The following CACNA1G variants were observed in gnomAD, a reference collection of about 807,000 sequenced individuals.
CACNA1G encodes the protein voltage-dependent T-type calcium channel subunit alpha-1G.
CACNA1G carries 67 observed loss-of-function variants against 219.4 expected under a neutral mutation model. That is an observed-to-expected ratio of 0.31 (90% CI 0.25 to 0.37). CACNA1G has a LOEUF of 0.37. Among genes scored for constraint, CACNA1G ranks in the 10% least tolerant of loss-of-function variants. The pLI is 1.00. For synonymous variants in CACNA1G, 1,296 were observed against 1,345.3 expected, an observed-to-expected ratio of 0.96 and a Z score of 0.80; for missense variants, 2,380 against 3,231.4, an observed-to-expected ratio of 0.74 and a Z score of 6.39.
intron 6 of CACNA1G, 44 bp downstream of exon 6, chr17:50,572,898 C>T: frequency 6.3e-7 from 1 of 1,596,166 alleles, no homozygotes; most frequent in Non-Finnish European, 8.6e-7. Flanking sequence ...AACACCAGCC[C>T]CAGGACACAG....
At chr17:50,599,916 G>A (rs1458832821) in intron 17 of CACNA1G, 57 bp downstream of exon 17, 15 of 1,532,480 alleles carry the variant, frequency 9.8e-6, no homozygotes, top group Non-Finnish European at 1.3e-5. Flanking sequence ...GAGGGGAGGT[G>A]TGCCTGGCCT....
At chr17:50,590,012 T>C (rs2043927655) in intron 9 of CACNA1G, among the ~76,000 whole-genome samples, 1 of 150,980 alleles carries the variant, frequency 6.6e-6, no homozygotes, top group Non-Finnish European at 1.5e-5. Context: ...CACAGAGTAA[T>C]TGTGGAATAC....
intron 3 of CACNA1G, 138 bp from the exon 4 acceptor site, chr17:50,569,568 C>A (rs978326350): frequency 1.4e-5 from 10 of 695,448 alleles, no homozygotes; most frequent in Non-Finnish European, 2.4e-5. Flanking sequence ...AGAGCCGGAT[C>A]TTCAGGGTCC....
chr17:50,592,109 C>A lies in CACNA1G; in HGVS notation c.2910+17C>A. 1 of 1,600,624 alleles carries A rather than the reference C, an allele frequency of 6.2e-7. No individual in the cohort carries two copies. Among genetic ancestry groups the A allele is most frequent in the Non-Finnish European group, 8.5e-7 (1 of 1,172,630 alleles). On this transcript the variant is annotated intron_variant, in intron 13 of 37. Transcript: ENST00000359106. ...CAGGCGGAGGTAACCCACTGCTCTG[C>A]CCACCTCACCCTGCCCACAGCAGTC... is the stretch of plus-strand genomic sequence containing the variant.
rs2041239752 is a variant in CACNA1G at position 50,578,687 on chromosome 17, G to C, written c.2301+123G>C. ...TCCTCTCCATGCTGCTAGCCCACCTGGCAGGTAGGAGGGGAGGTGGGTGAT... is the reference window on the plus strand; with the variant it reads ...TCCTCTCCATGCTGCTAGCCCACCTCGCAGGTAGGAGGGGAGGTGGGTGAT... On this transcript the variant is annotated intron_variant, in intron 9 of 37. Transcript: ENST00000359106. This position sits in a 1 kb window ranked among gnomAD's most constrained non-coding sequence, Gnocchi z 4.5. 1 of 985,998 alleles carries C rather than the reference G, an allele frequency of 1.0e-6. No individual in the cohort carries two copies. Among genetic ancestry groups the C allele is most frequent in the African/African-American group, 1.6e-5 (1 of 61,432 alleles). 61.1% of individuals were successfully genotyped at this position (985,998 alleles called of 1,614,324 possible). A position where few individuals can be genotyped will look rare whatever the true frequency, so the allele number is the denominator to read the frequency against.
At position 50,618,048 on chromosome 17, in the gene CACNA1G, G is replaced by T. The variant is rs1183039547; in HGVS notation, c.5227G>T (p.Val1743Leu). Residue 1743 changes from valine to leucine, a missense_variant and splice_region_variant, in exon 31 of 38, where the codon GTG (valine) becomes TTG (leucine). This residue lies in a region of CACNA1G where 123 missense variants were observed against 258.4 expected (regional missense o/e 0.48). Coordinates refer to ENST00000359106, the MANE Select transcript of CACNA1G (RefSeq NM_018896.5). The surrounding 1 kb of genome is among the most constrained non-coding windows in gnomAD (Gnocchi z 5.3). ...LDTVMQALPQ[V>L]GNLGLLFMLL... ...TTCTATTTCTTCTCCTTTTTTCCAG[G>T]TGGGGAACCTGGGACTTCTCTTCAT... 4 of 1,613,760 alleles carry T rather than the reference G, an allele frequency of 2.5e-6. No homozygotes were observed. The highest frequency in any genetic ancestry group is 1.7e-6 in the Non-Finnish European group (2 of 1,179,862).
At position 50,571,811 on chromosome 17, in the gene CACNA1G, G is replaced by A; in HGVS notation, c.587-67G>A. 1 of 1,570,122 alleles carries A rather than the reference G, an allele frequency of 6.4e-7. No individual in the cohort carries two copies. The highest frequency in any genetic ancestry group is 8.7e-7 in the Non-Finnish European group (1 of 1,148,796). On this transcript the variant is annotated intron_variant, in intron 4 of 37. Transcript: ENST00000359106. This position sits in a 1 kb window ranked among gnomAD's most constrained non-coding sequence, Gnocchi z 4.3. ...CTGGTGGGGCCCCTCCGGGAGTGCT[G>A]CCGGGCCGTGGCAGTCAGCCTAGCC... is the stretch of plus-strand genomic sequence containing the variant.
At chr17:50,625,885 A>G in intron 37 of CACNA1G, 132 bp from the exon 38 acceptor site, 2 of 962,118 alleles carry the variant, frequency 2.1e-6, no homozygotes, top group Non-Finnish European at 3.1e-6. Flanking sequence ...AAGAGCGGCT[A>G]CCAGGACCTC....
intron 3 of CACNA1G, 42 bp downstream of exon 3, chr17:50,569,340 G>A (rs774144486): frequency 1.3e-5 from 21 of 1,604,514 alleles, no homozygotes; most frequent in East Asian, 6.7e-5. Flanking sequence ...GGATCAGATC[G>A]GTCCCTTCCC....
intron 2 of CACNA1G, 34 bp downstream of exon 2, chr17:50,569,015 T>TGTTGTGTGTGTTG: frequency 8.2e-7 from 1 of 1,225,446 alleles, no homozygotes; most frequent in Non-Finnish European, 1.2e-6. Context: ...TGTGTGTGTG[T>TGTTGTGTGTGTTG]TGTGTGTGTT....
At chr17:50,565,821 C>A (rs1055994899) in intron 1 of CACNA1G, among the ~76,000 whole-genome samples, 7 of 152,152 alleles carry the variant, frequency 4.6e-5, no homozygotes, top group African/African-American at 1.4e-4. Flanking sequence ...GTTCTCTCTC[C>A]CAGGAGGGAG....
rs751292455 is a variant in CACNA1G at position 50,576,205 on chromosome 17, G to A, written c.1803G>A (p.Thr601=). The A allele has an allele frequency of 1.1e-5, 17 of 1,608,888 alleles. No homozygotes were observed. The Admixed American group carries it at 1.2e-4, about 11-fold the overall frequency. ...TGCACACCAGCCCTCCACCGGAGAC[G>A]CTGAAGGAGAAGGCACTAGTAGAGG... is the stretch of plus-strand genomic sequence containing the variant. ...PTVHTSPPPE[T]LKEKALVEVA... is the part of the protein sequence containing the mutation. The change falls in exon 8 of 38, where the codon ACG becomes ACA. Residue 601 remains threonine (T), a synonymous_variant. Coordinates refer to ENST00000359106, the MANE Select transcript of CACNA1G (RefSeq NM_018896.5).
At chr17:50,590,430 A>G (rs755880641) in intron 9 of CACNA1G, 41 bp from the exon 10 acceptor site, 3 of 1,610,540 alleles carry the variant, frequency 1.9e-6, no homozygotes, top group Middle Eastern at 3.8e-4. Flanking sequence ...CGAGGGGCTC[A>G]GTGATAAGCC....
At chr17:50,608,136 C>A (rs1555559011) in intron 25 of CACNA1G, 117 bp downstream of exon 25, 1 of 859,604 alleles carries the variant, frequency 1.2e-6, no homozygotes, top group Non-Finnish European at 1.8e-6. Flanking sequence ...GGAGAAGAGG[C>A]TCCCACCCCC....
intron 17 of CACNA1G, 37 bp downstream of exon 17, chr17:50,599,896 G>A (rs758681445): frequency 2.8e-5 from 44 of 1,577,626 alleles, no homozygotes; most frequent in Non-Finnish European, 2.3e-5. Flanking sequence ...CCTCACCCCT[G>A]ACCTTGAAAG....
rs772094515 is a variant in CACNA1G at position 50,626,965 on chromosome 17, G to T, written c.*214G>T. The stretch of plus-strand genomic sequence containing the variant: ...ACTCTGGCTCCAGGCAGAAGGAGAG[G>T]CCCGGTGCAGCTGAGGTTCCCGACA... On this transcript the variant is annotated 3_prime_UTR_variant, in exon 38 of 38. Coordinates refer to ENST00000359106, the MANE Select transcript of CACNA1G (RefSeq NM_018896.5). The surrounding 1 kb of genome is among the most constrained non-coding windows in gnomAD (Gnocchi z 4.3). The T allele has an allele frequency of 7.1e-6, 5 of 701,628 alleles. No homozygotes were observed. The highest frequency in any genetic ancestry group is 2.0e-5 in the Admixed American group (1 of 49,848). 43.5% of individuals were successfully genotyped at this position (701,628 alleles called of 1,614,324 possible).
At chr17:50,562,623 C>T (rs887555318) in intron 1 of CACNA1G, among the ~76,000 whole-genome samples, 1 of 152,134 alleles carries the variant, frequency 6.6e-6, no homozygotes, top group East Asian at 1.9e-4. Flanking sequence ...CCAGGTTACT[C>T]CTCCCCTTTC....
chr17:50,621,927 A>T lies in CACNA1G; in HGVS notation c.6060+133A>T. ...CTGCCAGGCTCCACCCAGAGGCATCAACTGTCAGGACCTCGGTGGCCCACG... is the reference window on the plus strand; with the variant it reads ...CTGCCAGGCTCCACCCAGAGGCATCTACTGTCAGGACCTCGGTGGCCCACG... On this transcript the variant is annotated intron_variant, in intron 35 of 37. Coordinates refer to ENST00000359106, the MANE Select transcript of CACNA1G (RefSeq NM_018896.5). This position sits in a 1 kb window ranked among gnomAD's most constrained non-coding sequence, Gnocchi z 4.6. 1.1e-6 allele frequency: 1 copy of T among 946,444 alleles called. No homozygotes were observed. The allele number at this position is 946,444 out of a possible 1,614,324, so 58.6% of individuals were successfully genotyped here.
intron 21 of CACNA1G, 24 bp from the exon 22 acceptor site, chr17:50,604,131 C>T (rs757433289): frequency 1.1e-5 from 17 of 1,607,850 alleles, no homozygotes; most frequent in Middle Eastern, 1.7e-4. Context: ...GAAGCCTTAT[C>T]ACCTCCCTCC....
Sources: allele counts gnomAD v4.1 joint callset (sites outside exome capture counted in the v4.1 genomes callset), GRCh38; gene constraint gnomAD v4.1.1; regional missense constraint gnomAD v4.1.1; non-coding constraint Gnocchi (gnomAD v3.1); transcripts MANE v1.5; gene names NCBI Gene and HGNC (gene_info 2026-07-23, HGNC 2026-07-21).